Variants in FAT1 observed in about 807,000 individuals in gnomAD.
The protein encoded by FAT1 is protocadherin Fat 1.
Under a neutral mutation model 329.8 loss-of-function variants are expected in FAT1, and 171 were observed. The observed-to-expected ratio is 0.52, with a 90% CI of 0.46 to 0.59. The LOEUF (loss-of-function observed/expected upper bound fraction) is 0.59, where lower values mean the gene tolerates loss of function less well. Among genes scored for constraint, FAT1 ranks in the 20% least tolerant of loss-of-function variants. The probability of loss-of-function intolerance (pLI) is 0.00; values close to 1 mark genes in which losing one functional copy is unlikely to be tolerated. For synonymous variants in FAT1, 2,233 were observed against 2,228.6 expected (o/e 1.00, Z -0.06); for missense variants, 5,672 against 5,774.4 (o/e 0.98, Z 0.57).
chr4:186,632,150 T>C (rs1740629586), intron 7 of FAT1, among the ~76,000 whole-genome samples: 1 of 152,226 alleles, frequency 6.6e-6, no homozygotes, highest in Admixed American at 6.5e-5. Context: ...TAGAATACAC[T>C]TCCTGGGTTT....
At chr4:186,593,492 T>A (rs1560914819) in intron 26 of FAT1, among the ~76,000 whole-genome samples, 1 of 152,224 alleles carries the variant, frequency 6.6e-6, no homozygotes, top group South Asian at 2.1e-4. Flanking sequence ...AGGGACTTTG[T>A]TGACGCGGTT....
chr4:186,610,599 A>G (rs1739363043), intron 14 of FAT1, among the ~76,000 whole-genome samples: 1 of 141,992 alleles, frequency 7.0e-6, no homozygotes, highest in African/African-American at 2.6e-5. Context: ...TTATATAAAT[A>G]TAAATTTATA....
intron 3 of FAT1, among the ~76,000 whole-genome samples, chr4:186,660,655 G>T (rs944933895): frequency 6.6e-6 from 1 of 152,210 alleles, no homozygotes. Context: ...CCTGGAGAGG[G>T]TTTATTCCTT....
chr4:186,609,617 G>A (rs914878827), intron 15 of FAT1, among the ~76,000 whole-genome samples, 184 bp downstream of exon 15: 2 of 152,030 alleles, frequency 1.3e-5, no homozygotes, highest in Non-Finnish European at 2.9e-5. Context: ...GACAGGGTTA[G>A]CTTAGCTGTT....
chr4:186,677,258 A>C (rs1579433643), intron 2 of FAT1, among the ~76,000 whole-genome samples: 1 of 152,206 alleles, frequency 6.6e-6, no homozygotes, highest in East Asian at 1.9e-4. Context: ...TCAGAAGCTT[A>C]AGTTAGGTCA....
In FAT1 at chr4:186,709,413, C is replaced by T. The variant is rs2126704013; in HGVS notation, c.415G>A (p.Val139Met). The T allele has an allele frequency of 6.2e-7, 1 of 1,613,902 alleles. No individual in the cohort carries two copies. Among genetic ancestry groups the T allele is most frequent in the Non-Finnish European group, 8.5e-7 (1 of 1,179,884 alleles). Residue 139 changes from valine to methionine, a missense_variant, in exon 2 of 27, where the codon GTG becomes ATG. Physicochemically the swap from Val to Met is conservative, Grantham distance 21 (BLOSUM62 1). Around this residue, in one of 2 missense-constraint regions of FAT1, gnomAD observed 3,966 missense variants for 3,915.2 expected, o/e 1.01. Transcript: ENST00000441802. ...GGTCTCAAGTCATTTGTATCCAGCA[C>T]CTGCACCCTGACCTTTGTTCGCGCC... Reference protein sequence around the residue: ...VEARTKVRVQVLDTNDLRPLF... With the variant: ...VEARTKVRVQMLDTNDLRPLF...
At chr4:186,599,571 C>T (rs570352263) in intron 22 of FAT1, among the ~76,000 whole-genome samples, 38 of 152,216 alleles carry the variant, frequency 2.5e-4, no homozygotes, top group African/African-American at 4.6e-4. Context: ...AAGGGCTAAG[C>T]GGTACGAATT....
At chr4:186,713,378 G>A (rs1056868782) in intron 1 of FAT1, among the ~76,000 whole-genome samples, 1 of 152,004 alleles carries the variant, frequency 6.6e-6, no homozygotes, top group African/African-American at 2.4e-5. Context: ...TCTGTTTTGG[G>A]GAGAAAAGCC....
intron 2 of FAT1, among the ~76,000 whole-genome samples, chr4:186,664,249 C>A (rs561000672): frequency 2.6e-5 from 4 of 152,160 alleles, no homozygotes; most frequent in Non-Finnish European, 5.9e-5. Flanking sequence ...TAAGGGGCTG[C>A]TCAGATCTCC....
Position 186,663,543 on chromosome 4 carries a change from G to GGTTGCA in FAT1, c.3330_3335dup (p.Ala1111_Thr1112dup), listed in dbSNP as rs1560976061. On this transcript the variant is annotated inframe_insertion, in exon 3 of 27. Transcript: ENST00000441802. ...ATGAAAGAGGCACGACACCCTGATC[G>GGTTGCA]GTTGCAAAGACTGTTAGCCAATAAT... 1 of 1,613,662 alleles carries GGTTGCA rather than the reference G, an allele frequency of 6.2e-7. No individual in the cohort carries two copies. Among genetic ancestry groups the GGTTGCA allele is most frequent in the Admixed American group, 1.7e-5 (1 of 60,026 alleles).
chr4:186,588,756 T>C lies in FAT1; in HGVS notation c.13603A>G (p.Met4535Val), dbSNP rs774714048. ...RHFEAPAVES[M>V]PMSVYASTAS... ...GTGGAGGCGTACACAGACATGGGCA[T>C]GCTCTCGACAGCGGGCGCCTCGAAG... The change falls in exon 27 of 27, where the codon ATG (methionine) becomes GTG (valine). Residue 4535 changes from methionine (M) to valine (V), a missense_variant. By Grantham distance (21) the Met-to-Val change is conservative. Coordinates refer to ENST00000441802, the MANE Select transcript of FAT1 (RefSeq NM_005245.4). 4 of 1,613,884 alleles carry C rather than the reference T, an allele frequency of 2.5e-6. No individual in the cohort carries two copies. The African/African-American group carries it at 4.0e-5, about 16-fold the overall frequency.
Position 186,707,260 on chromosome 4 carries a change from G to C in FAT1, c.2568C>G (p.His856Gln), listed in dbSNP as rs559124061. Residue 856 changes from histidine to glutamine, a missense_variant, in exon 2 of 27, where the codon CAC becomes CAG. Physicochemically the swap from His to Gln is conservative, Grantham distance 24 (BLOSUM62 0). Coordinates refer to ENST00000441802, the MANE Select transcript of FAT1 (RefSeq NM_005245.4). Reference protein sequence around the residue: ...ATDKDLGPNGHVTYSIVTDTD... With the variant: ...ATDKDLGPNGQVTYSIVTDTD... ...TGTCTGTAACAATTGAGTACGTCAC[G>C]TGTCCGTTGGGCCCCAGGTCTTTAT... 2 of 1,613,956 alleles carry C rather than the reference G, an allele frequency of 1.2e-6. No individual in the cohort carries two copies. The highest frequency in any genetic ancestry group is 1.7e-5 in the Admixed American group (1 of 60,020).
chr4:186,709,964 G>C (rs985232315), intron 1 of FAT1, 119 bp from the exon 2 acceptor site: 1 of 893,030 alleles, frequency 1.1e-6, no homozygotes, highest in Non-Finnish European at 1.6e-6. Flanking sequence ...ATAAATAAAT[G>C]CAACGGTTTG....
Position 186,712,091 on chromosome 4 carries a change from C to T in FAT1, c.-18-2246G>A, listed in dbSNP as rs572400638. ...CTAGAAGTATTTTTGCTTAATTCTA[C>T]GTATAAAGTTATCATGCAGCCATTA... On this transcript the variant is annotated intron_variant, in intron 1 of 26. Coordinates refer to ENST00000441802, the MANE Select transcript of FAT1 (RefSeq NM_005245.4). Among the ~76,000 whole-genome samples, 30 of 152,242 alleles carry T rather than the reference C, an allele frequency of 2.0e-4. 1 individual carries two copies. The South Asian group carries it at 2.5e-3, about 13-fold the overall frequency.
chr4:186,704,943 C>CTTTTTT (rs575252840), intron 2 of FAT1, among the ~76,000 whole-genome samples: 3 of 120,654 alleles, frequency 2.5e-5, no homozygotes, highest in Admixed American at 8.6e-5. Context: ...TCCAAAATAA[C>CTTTTTT]TTTTTTTTTT....
chr4:186,603,338 T>A lies in FAT1; in HGVS notation c.11188A>T (p.Ile3730Leu), dbSNP rs2126426538. 6.2e-7 allele frequency: 1 copy of A among 1,614,018 alleles called. No individual in the cohort carries two copies. Residue 3730 changes from isoleucine to leucine, a missense_variant, in exon 19 of 27, where the codon ATA becomes TTA. Transcript: ENST00000441802. ...CAGAGTTTCTGGAATACATTCAGTATCCTAACTCCAATGATTTCCTCAATG... is the reference window on the plus strand; with the variant it reads ...CAGAGTTTCTGGAATACATTCAGTAACCTAACTCCAATGATTTCCTCAATG... ...TDIEEIIGVR[I>L]LNVFQKLCAG...
chr4:186,611,250 TAAAAGA>T, intron 14 of FAT1, 130 bp downstream of exon 14: 1 of 711,630 alleles, frequency 1.4e-6, no homozygotes, highest in South Asian at 2.2e-5. Context: ...TGTAAATAAC[TAAAAGA>T]AAACTTGATT....
At chr4:186,649,189 A>T (rs1033275833) in intron 3 of FAT1, among the ~76,000 whole-genome samples, 4 of 145,860 alleles carry the variant, frequency 2.7e-5, no homozygotes, top group African/African-American at 1.1e-4. Context: ...GTCCTAAAAC[A>T]TCACCCAGAA....
rs371816891 is a variant in FAT1 at position 186,624,515 on chromosome 4, C to T, written c.4811-2740G>A. Among the ~76,000 whole-genome samples the T allele has an allele frequency of 6.6e-5, 10 of 152,218 alleles. 1 individual carries two copies. The highest frequency in any genetic ancestry group is 2.4e-4 in the African/African-American group (10 of 41,522). Reference sequence around the variant, plus strand: ...GTATTAAAATGGTTTAGAAGTAGTGCTCTAATAATCTACTTTTTTAAAAAG... The same window carrying T: ...GTATTAAAATGGTTTAGAAGTAGTGTTCTAATAATCTACTTTTTTAAAAAG... On this transcript the variant is annotated intron_variant, in intron 9 of 26. Transcript: ENST00000441802.
Sources: gnomAD v4.1 joint callset for allele counts (sites outside exome capture counted in the v4.1 genomes callset) on GRCh38, gnomAD v4.1.1 for gene constraint, gnomAD v4.1.1 regional missense constraint, MANE v1.5 for transcripts, NCBI Gene and HGNC (gene_info 2026-07-23, HGNC 2026-07-21) for gene names.